Variants in NEK11 observed in about 807,000 individuals in gnomAD.
The protein encoded by NEK11 is NIMA related kinase 11.
Under a neutral mutation model 80.7 loss-of-function variants are expected in NEK11, and 72 were observed. That is an observed-to-expected ratio of 0.89 (90% CI 0.74 to 1.08). NEK11 has a LOEUF of 1.08. Ranked by LOEUF, NEK11 falls within the 50% of genes least tolerant of loss-of-function variation. NEK11 has a pLI of 0.00. For synonymous variants in NEK11, 251 were observed against 260.7 expected (o/e 0.96, Z 0.36); for missense variants, 764 against 763.6 (o/e 1.00, Z -0.01).
At chr3:131,064,712 G>A (rs1247561905) in intron 3 of NEK11, among the ~76,000 whole-genome samples, 1 of 152,046 alleles carries the variant, frequency 6.6e-6, no homozygotes, top group African/African-American at 2.4e-5. Context: ...GAATTTAATG[G>A]TACATGAATT....
chr3:131,141,413 A>G (rs529446539), intron 7 of NEK11, among the ~76,000 whole-genome samples: 10 of 152,290 alleles, frequency 6.6e-5, no homozygotes, highest in African/African-American at 1.9e-4. Context: ...CCCAATGTCA[A>G]TGACCAAAAG....
At chr3:131,293,876 G>A (rs1167916677) in intron 17 of NEK11, among the ~76,000 whole-genome samples, 1 of 152,014 alleles carries the variant, frequency 6.6e-6, no homozygotes, top group African/African-American at 2.4e-5. Context: ...GTCCCTCATA[G>A]TATTGTTTTA....
Position 131,109,890 on chromosome 3 carries a change from C to A in NEK11, c.424C>A (p.Leu142Met). The A allele has an allele frequency of 1.2e-6, 2 of 1,600,546 alleles. 1 individual carries two copies. Among genetic ancestry groups the A allele is most frequent in the South Asian group, 2.3e-5 (2 of 88,336 alleles). ...ENQIIEWFIQ[L>M]LLGVDYMHER... Reference sequence around the variant, plus strand: ...TCAAATAATAGAATGGTTTATCCAGCTGCTGCTGGGAGTTGACTACATGCA... The same window carrying A: ...TCAAATAATAGAATGGTTTATCCAGATGCTGCTGGGAGTTGACTACATGCA... Residue 142 changes from leucine (L) to methionine (M), a missense_variant, in exon 5 of 18, where the codon CTG becomes ATG. Transcript: ENST00000383366.
Position 131,242,909 on chromosome 3 carries a change from T to C in NEK11, c.1561-527T>C, listed in dbSNP as rs116985658. Among the ~76,000 whole-genome samples, 38 of 152,262 alleles carry C rather than the reference T, an allele frequency of 2.5e-4. No homozygotes were observed. In the East Asian group the frequency reaches 6.0e-3, roughly 24 times the overall value. On this transcript the variant is annotated intron_variant, in intron 15 of 17. Coordinates refer to ENST00000383366, the MANE Select transcript of NEK11 (RefSeq NM_024800.5). ...CCAACCGTTATGGGGGAAGTCTGAC[T>C]CTTAATGAGGGTTAAGGTAAATGAC...
chr3:131,240,773 T>G (rs1184731212), intron 15 of NEK11, among the ~76,000 whole-genome samples: 1 of 152,152 alleles, frequency 6.6e-6, no homozygotes, highest in East Asian at 1.9e-4. Flanking sequence ...ACAGTTTTTT[T>G]CTTGTGAATT....
chr3:131,137,368 A>T (rs1377713949), intron 7 of NEK11, among the ~76,000 whole-genome samples: 1 of 152,136 alleles, frequency 6.6e-6, no homozygotes, highest in Admixed American at 6.6e-5. Context: ...TATTTTTTTG[A>T]GAAATACAGT....
At chr3:131,067,984 G>T (rs968268443) in intron 3 of NEK11, among the ~76,000 whole-genome samples, 2 of 152,186 alleles carry the variant, frequency 1.3e-5, no homozygotes, top group African/African-American at 4.8e-5. Context: ...GCCTCTCTGA[G>T]TTCCAGTGTT....
At chr3:131,251,176 G>T (rs2095694094) in intron 16 of NEK11, among the ~76,000 whole-genome samples, 1 of 145,602 alleles carries the variant, frequency 6.9e-6, no homozygotes, top group South Asian at 2.2e-4. Flanking sequence ...ATAAACATGT[G>T]CTATAGAGAG....
At chr3:131,341,251 AGTTT>A (rs1385079309) in intron 17 of NEK11, among the ~76,000 whole-genome samples, 2 of 152,310 alleles carry the variant, frequency 1.3e-5, no homozygotes, top group Admixed American at 6.5e-5. Flanking sequence ...GCCTAAAATG[AGTTT>A]GTTTATGGAA....
intron 17 of NEK11, chr3:131,328,611 A>C (rs932679824): frequency 8.5e-5 from 13 of 152,316 alleles, no homozygotes; most frequent in Admixed American, 8.5e-4. Flanking sequence ...GCTGCAGGGA[A>C]AGGGAAACAT....
intron 14 of NEK11, among the ~76,000 whole-genome samples, chr3:131,179,884 C>A (rs1443194724): frequency 1.3e-5 from 2 of 152,002 alleles, no homozygotes; most frequent in Non-Finnish European, 2.9e-5. Flanking sequence ...CTGTAAAGTA[C>A]AATATTATAT....
At chr3:131,162,647 T>A in intron 11 of NEK11, 120 bp downstream of exon 11, 1 of 1,129,872 alleles carries the variant, frequency 8.9e-7, no homozygotes, top group Non-Finnish European at 1.3e-6. Context: ...TATGTATTTA[T>A]GTGTTTATTC....
intron 7 of NEK11, among the ~76,000 whole-genome samples, chr3:131,147,831 T>C (rs907212475): frequency 6.6e-6 from 1 of 152,006 alleles, no homozygotes; most frequent in Non-Finnish European, 1.5e-5. Flanking sequence ...TCTTTATAGA[T>C]TTTTTTAAAA....
At position 131,265,549 on chromosome 3, in the gene NEK11, A is replaced by G. The variant is rs117907592; in HGVS notation, c.1622-7929A>G. Among the ~76,000 whole-genome samples, 200 of 152,332 alleles carry G rather than the reference A, an allele frequency of 1.3e-3. 2 individuals are homozygous for G. In the East Asian group the frequency reaches 0.032, roughly 24 times the overall value. ...TTTGCCTAAGTTTAACCAGCCTTGCATCACAGGAATGAAGCTGACTTGATT... is the reference window on the plus strand; with the variant it reads ...TTTGCCTAAGTTTAACCAGCCTTGCGTCACAGGAATGAAGCTGACTTGATT... On this transcript the variant is annotated intron_variant, in intron 16 of 17. Transcript: ENST00000383366.
At chr3:131,189,999 A>G (rs1196464506) in intron 14 of NEK11, among the ~76,000 whole-genome samples, 1 of 152,192 alleles carries the variant, frequency 6.6e-6, no homozygotes, top group Non-Finnish European at 1.5e-5. Flanking sequence ...GTAAGACTTT[A>G]TATCTCTACT....
At chr3:131,043,095 A>C (rs36040587) in intron 3 of NEK11, among the ~76,000 whole-genome samples, 2 of 152,098 alleles carry the variant, frequency 1.3e-5, no homozygotes, top group Non-Finnish European at 2.9e-5. Context: ...ACCACGCAAA[A>C]ACTTCATCCA....
In NEK11 at chr3:131,209,499, G is replaced by C. The variant is rs150032726; in HGVS notation, c.1400-19029G>C. The stretch of plus-strand genomic sequence containing the variant: ...GGATGATGTTGGCCTTGTAAAATGA[G>C]TTAGGGAGGATTCCCTCTTTTTCTA... On this transcript the variant is annotated intron_variant, in intron 14 of 17. Coordinates refer to ENST00000383366, the MANE Select transcript of NEK11 (RefSeq NM_024800.5). 6.6e-5 allele frequency among the ~76,000 whole-genome samples: 10 copies of C among 152,326 alleles called. No individual in the cohort carries two copies. The East Asian group carries it at 1.7e-3, about 26-fold the overall frequency.
In NEK11 at chr3:131,305,447, T is replaced by C. The variant is rs1581686203; in HGVS notation, c.1718+31873T>C. On this transcript the variant is annotated intron_variant, in intron 17 of 17. Transcript: ENST00000383366. ...CAGGAGAAGCCAGCAGACACAGGAG[T>C]GCTCAGATTGGACTGGCCCCATTCC... is the stretch of plus-strand genomic sequence containing the variant. Among the ~76,000 whole-genome samples, 3 of 151,716 alleles carry C rather than the reference T, an allele frequency of 2.0e-5. No homozygotes were observed. In the South Asian group the frequency reaches 6.3e-4, roughly 32 times the overall value.
At chr3:131,152,574 A>G (rs1436445824) in intron 8 of NEK11, 37 bp downstream of exon 8, 3 of 1,608,920 alleles carry the variant, frequency 1.9e-6, no homozygotes, top group Admixed American at 3.4e-5. Flanking sequence ...AAATAATTTA[A>G]AGTTGTACTT....
Sources: allele counts gnomAD v4.1 joint callset (sites outside exome capture counted in the v4.1 genomes callset), GRCh38; gene constraint gnomAD v4.1.1; transcripts MANE v1.5; gene names NCBI Gene and HGNC (gene_info 2026-07-23, HGNC 2026-07-21).